The following SPOCK1 variants were observed in gnomAD, a reference collection of about 807,000 sequenced individuals.
The protein encoded by SPOCK1 is SPARC (osteonectin), cwcv and kazal like domains proteoglycan 1, also known as testican-1.
SPOCK1 carries 23 observed loss-of-function variants against 55.3 expected under a neutral mutation model. The observed-to-expected ratio is 0.42, with a 90% CI of 0.30 to 0.59. SPOCK1 has a LOEUF of 0.59. Among genes scored for constraint, SPOCK1 ranks in the 20% least tolerant of loss-of-function variants. The probability of loss-of-function intolerance (pLI) is 0.22; values close to 1 mark genes in which losing one functional copy is unlikely to be tolerated. For synonymous variants in SPOCK1, 226 were observed against 221.0 expected (o/e 1.02, Z -0.20); for missense variants, 499 against 552.5 (o/e 0.90, Z 0.97).
chr5:137,417,953 C>T (rs142189722), intron 2 of SPOCK1, among the ~76,000 whole-genome samples: 1 of 152,112 alleles, frequency 6.6e-6, no homozygotes, highest in East Asian at 1.9e-4. Flanking sequence ...ATTCCTCCCC[C>T]CTCCCGCTAC....
At chr5:137,350,383 C>T (rs1484974526) in intron 2 of SPOCK1, among the ~76,000 whole-genome samples, 3 of 152,198 alleles carry the variant, frequency 2.0e-5, no homozygotes, top group African/African-American at 7.2e-5. Context: ...ACAACAACTG[C>T]CACTTATTAT....
chr5:136,977,951 G>T lies in SPOCK1; in HGVS notation c.*703C>A, dbSNP rs897281715. The T allele has an allele frequency of 2.5e-6, 1 of 398,912 alleles. No individual in the cohort carries two copies. The highest frequency in any genetic ancestry group is 6.3e-4 in the Middle Eastern group (1 of 1,588). The allele number at this position is 398,912 out of a possible 1,614,324, so 24.7% of individuals were successfully genotyped here. On this transcript the variant is annotated 3_prime_UTR_variant, in exon 11 of 11. Transcript: ENST00000394945. ...AGATACCCAAACACTTTTTCTGAGA[G>T]GTATGGGTGTGTGTGCAAGGCACAC... is the stretch of plus-strand genomic sequence containing the variant.
chr5:137,428,515 A>C (rs1752680792), intron 2 of SPOCK1, among the ~76,000 whole-genome samples: 1 of 152,126 alleles, frequency 6.6e-6, no homozygotes, highest in Non-Finnish European at 1.5e-5. Flanking sequence ...ACTTCCTTTC[A>C]CTGTTTGTGT....
At chr5:137,391,697 T>C (rs1751728300) in intron 2 of SPOCK1, among the ~76,000 whole-genome samples, 1 of 152,000 alleles carries the variant, frequency 6.6e-6, no homozygotes, top group South Asian at 2.1e-4. Flanking sequence ...TTCCTCCTCC[T>C]CAGCTGGTTC....
rs137933915 is a variant in SPOCK1 at position 137,118,137 on chromosome 5, C to A, written c.348-5576G>T. Among the ~76,000 whole-genome samples, 6 of 152,318 alleles carry A rather than the reference C, an allele frequency of 3.9e-5. No homozygotes were observed. The East Asian group carries it at 1.2e-3, about 29-fold the overall frequency. ...AAGTTAACAGTACTGCCCAGAATCA[C>A]ATGTTGATATTATCAAATTGAAGAC... is the stretch of plus-strand genomic sequence containing the variant. On this transcript the variant is annotated intron_variant, in intron 4 of 10. Transcript: ENST00000394945.
chr5:137,236,599 A>G (rs1756186080), intron 3 of SPOCK1, among the ~76,000 whole-genome samples: 1 of 152,144 alleles, frequency 6.6e-6, no homozygotes, highest in Middle Eastern at 3.2e-3. Flanking sequence ...TTTGAGCTCT[A>G]CCAAACCTAG....
chr5:137,130,150 G>T (rs1753846871), intron 4 of SPOCK1, among the ~76,000 whole-genome samples: 1 of 152,210 alleles, frequency 6.6e-6, no homozygotes, highest in Non-Finnish European at 1.5e-5. Flanking sequence ...CTTTACAAAG[G>T]TGGTTTTACC....
intron 6 of SPOCK1, among the ~76,000 whole-genome samples, chr5:137,058,764 G>T (rs774821604): frequency 6.6e-6 from 1 of 152,160 alleles, no homozygotes; most frequent in Non-Finnish European, 1.5e-5. Context: ...TGACGGAGTG[G>T]CCCCATGGAT....
At chr5:137,043,800 G>A (rs1291402638) in intron 6 of SPOCK1, among the ~76,000 whole-genome samples, 2 of 152,156 alleles carry the variant, frequency 1.3e-5, no homozygotes, top group African/African-American at 4.8e-5. Context: ...AAGAAGACCT[G>A]ATGACTAAAT....
intron 4 of SPOCK1, among the ~76,000 whole-genome samples, chr5:137,129,999 C>G (rs1283718060): frequency 6.6e-6 from 1 of 152,192 alleles, no homozygotes; most frequent in African/African-American, 2.4e-5. Flanking sequence ...CCCCCCTCAT[C>G]CTTCTTTCAA....
chr5:137,472,251 G>T (rs759105502), intron 2 of SPOCK1, among the ~76,000 whole-genome samples: 9 of 152,070 alleles, frequency 5.9e-5, no homozygotes, highest in Non-Finnish European at 1.2e-4. Context: ...CAGAGTTTCT[G>T]GTCAGACAGG....
intron 2 of SPOCK1, among the ~76,000 whole-genome samples, chr5:137,421,290 T>A (rs943827364): frequency 1.6e-4 from 24 of 152,140 alleles, no homozygotes; most frequent in Admixed American, 7.2e-4. Flanking sequence ...TAGGGTGGAG[T>A]GTTCTGTAGA....
chr5:137,388,192 G>A (rs1260958865), intron 2 of SPOCK1, among the ~76,000 whole-genome samples: 1 of 152,212 alleles, frequency 6.6e-6, no homozygotes, highest in Non-Finnish European at 1.5e-5. Flanking sequence ...TGAAGAGTCT[G>A]TTCACACACA....
At chr5:137,447,189 A>G (rs564670188) in intron 2 of SPOCK1, among the ~76,000 whole-genome samples, 15 of 152,350 alleles carry the variant, frequency 9.8e-5, no homozygotes, top group Non-Finnish European at 2.1e-4. Context: ...ACAACAGGTC[A>G]GCCTAATGTT....
In SPOCK1 at chr5:137,301,636, C is replaced by CTTTT. The variant is rs34828127; in HGVS notation, c.187-34585_187-34582dup. Among the ~76,000 whole-genome samples, 252 of 129,774 alleles carry CTTTT rather than the reference C, an allele frequency of 1.9e-3. 10 individuals carry two copies. The highest frequency in any genetic ancestry group is 6.4e-3 in the African/African-American group (216 of 33,786). 85.1% of individuals were successfully genotyped at this position (129,774 alleles called of 152,430 possible). On this transcript the variant is annotated intron_variant, in intron 2 of 10. Coordinates refer to ENST00000394945, the MANE Select transcript of SPOCK1 (RefSeq NM_004598.4). ...ACATACTCATTAAGCATTTCGTCTC[C>CTTTT]TTTTTTTTTTTTTTTTTTTGAGTAT...
chr5:137,460,165 T>G (rs1429428893), intron 2 of SPOCK1, among the ~76,000 whole-genome samples: 2 of 152,176 alleles, frequency 1.3e-5, no homozygotes, highest in Non-Finnish European at 2.9e-5. Flanking sequence ...AAGGAAAATA[T>G]GACAAATATG....
chr5:137,481,265 C>T (rs1753944726), intron 2 of SPOCK1, among the ~76,000 whole-genome samples: 1 of 152,198 alleles, frequency 6.6e-6, no homozygotes, highest in African/African-American at 2.4e-5. Flanking sequence ...CCTATGCTTC[C>T]CCTCACATCA....
chr5:136,980,312 A>G (rs1265897234), intron 9 of SPOCK1, among the ~76,000 whole-genome samples: 3 of 152,196 alleles, frequency 2.0e-5, no homozygotes, highest in Non-Finnish European at 2.9e-5. Context: ...TTTTAATGTG[A>G]GAAAATCATA....
intron 2 of SPOCK1, chr5:137,313,444 T>A: frequency 1.0e-6 from 1 of 985,080 alleles, no homozygotes; most frequent in East Asian, 1.1e-4. Flanking sequence ...CAAGGGGTGG[T>A]CTCAGGAAAT....
Sources: allele counts gnomAD v4.1 joint callset (sites outside exome capture counted in the v4.1 genomes callset), GRCh38; gene constraint gnomAD v4.1.1; transcripts MANE v1.5; gene names NCBI Gene and HGNC (gene_info 2026-07-23, HGNC 2026-07-21).